Variants in SDK1 observed in about 807,000 individuals in gnomAD.
SDK1 encodes the protein sidekick cell adhesion molecule 1, also known as protein sidekick-1.
SDK1 carries 157 observed loss-of-function variants against 245.5 expected under a neutral mutation model. The observed-to-expected ratio is 0.64, with a 90% CI of 0.56 to 0.73. The LOEUF is 0.73. Among genes scored for constraint, SDK1 ranks in the 30% least tolerant of loss-of-function variants. The pLI, the probability that SDK1 is intolerant of heterozygous loss-of-function variation, is 0.00. For synonymous variants in SDK1, 1,647 were observed against 1,278.5 expected (o/e 1.29, Z -6.15); for missense variants, 3,583 against 3,002.3 (o/e 1.19, Z -4.52).
At chr7:3,946,155 C>A (rs1361609183) in intron 5 of SDK1, among the ~76,000 whole-genome samples, 1 of 149,108 alleles carries the variant, frequency 6.7e-6, no homozygotes, top group African/African-American at 2.5e-5. Context: ...AATGTATAAA[C>A]CCCCCTACAC....
intron 4 of SDK1, among the ~76,000 whole-genome samples, chr7:3,799,704 CAAAAAAAAAA>C (rs34448201): frequency 9.2e-6 from 1 of 109,094 alleles, no homozygotes; most frequent in Non-Finnish European, 1.8e-5. Flanking sequence ...GACTCCATCT[CAAAAAAAAAA>C]AAAAAAAAAT....
chr7:3,451,892 A>G (rs932532119), intron 1 of SDK1, among the ~76,000 whole-genome samples: 1 of 152,172 alleles, frequency 6.6e-6, no homozygotes, highest in African/African-American at 2.4e-5. Context: ...GGCAATTGCA[A>G]AGAGACTAGC....
chr7:3,780,329 G>A (rs939447702), intron 4 of SDK1, among the ~76,000 whole-genome samples: 2 of 152,306 alleles, frequency 1.3e-5, no homozygotes, highest in African/African-American at 4.8e-5. Flanking sequence ...GCCCACTCTG[G>A]TCTCACCTCT....
chr7:3,908,827 TC>T (rs200469432), intron 5 of SDK1, among the ~76,000 whole-genome samples: 6,591 of 151,278 alleles, frequency 0.044, 465 homozygotes, highest in African/African-American at 0.15. Flanking sequence ...AGGAAAGAAT[TC>T]ATTTTTTTTT....
intron 1 of SDK1, among the ~76,000 whole-genome samples, chr7:3,324,952 A>G (rs1435135726): frequency 6.6e-6 from 1 of 152,138 alleles, no homozygotes; most frequent in Non-Finnish European, 1.5e-5. Context: ...TTAACAGAGG[A>G]CAAGCTTTAG....
chr7:3,429,251 T>A (rs528366026), intron 1 of SDK1, among the ~76,000 whole-genome samples: 6,542 of 152,260 alleles, frequency 0.043, 422 homozygotes, highest in African/African-American at 0.14. Context: ...AGGCTTTTTT[T>A]AAGTGCCTCT....
chr7:3,358,819 T>G (rs1330132407), intron 1 of SDK1, among the ~76,000 whole-genome samples: 1 of 152,204 alleles, frequency 6.6e-6, no homozygotes, highest in African/African-American at 2.4e-5. Context: ...TTTCAAGCAT[T>G]TAATAAATGT....
chr7:3,608,810 T>G (rs527468279), intron 1 of SDK1, among the ~76,000 whole-genome samples: 17 of 152,374 alleles, frequency 1.1e-4, no homozygotes, highest in African/African-American at 4.1e-4. Context: ...CTAACCTTTA[T>G]GAAACTGACA....
intron 1 of SDK1, among the ~76,000 whole-genome samples, chr7:3,365,229 T>A (rs1264158838): frequency 6.6e-6 from 1 of 152,174 alleles, no homozygotes. Flanking sequence ...TAGAGAATGG[T>A]GGTAGTGGAC....
rs138059278 is a variant in SDK1, at chr7:4,075,380, T to C, written c.3011-1618T>C. On this transcript the variant is annotated intron_variant, in intron 20 of 44. Coordinates refer to ENST00000404826, the MANE Select transcript of SDK1 (RefSeq NM_152744.4). ...CTCAAGATGCTGTCCTCTAAATTCT[T>C]GTTTACCTGCAAGTGCAACTCCTAG... Among the ~76,000 whole-genome samples the C allele has an allele frequency of 1.2e-3, 190 of 152,352 alleles. 3 individuals carry two copies. The East Asian group carries it at 0.031, about 25-fold the overall frequency.
In SDK1 at chr7:3,766,433, A is replaced by T. The variant is rs941267704; in HGVS notation, c.714-55017A>T. Among the ~76,000 whole-genome samples the T allele has an allele frequency of 2.0e-5, 3 of 152,306 alleles. No individual in the cohort carries two copies. The South Asian group carries it at 6.2e-4, about 32-fold the overall frequency. On this transcript the variant is annotated intron_variant, in intron 4 of 44. Coordinates refer to ENST00000404826, the MANE Select transcript of SDK1 (RefSeq NM_152744.4). Reference sequence around the variant, plus strand: ...GTTAGACTACCTTGATTTTTAATCCAGCTCCCCTACACCAGTCACTTCCTT... The same window carrying T: ...GTTAGACTACCTTGATTTTTAATCCTGCTCCCCTACACCAGTCACTTCCTT...
At chr7:3,556,364 C>T (rs1779587645) in intron 1 of SDK1, among the ~76,000 whole-genome samples, 1 of 152,002 alleles carries the variant, frequency 6.6e-6, no homozygotes, top group African/African-American at 2.4e-5. Flanking sequence ...AACAATTGAA[C>T]TCATGGAGAT....
chr7:3,964,667 A>T (rs1324666829), intron 9 of SDK1, among the ~76,000 whole-genome samples: 4 of 152,184 alleles, frequency 2.6e-5, no homozygotes, highest in Non-Finnish European at 4.4e-5. Flanking sequence ...AATGAAGTAG[A>T]ATCTAGTGAT....
At chr7:4,223,924 A>G (rs1395308230) in intron 40 of SDK1, among the ~76,000 whole-genome samples, 2 of 151,888 alleles carry the variant, frequency 1.3e-5, no homozygotes, top group Non-Finnish European at 2.9e-5. Flanking sequence ...TCATTTGTAG[A>G]CTCTCTGCTG....
intron 2 of SDK1, among the ~76,000 whole-genome samples, chr7:3,624,642 T>C (rs965042627): frequency 2.6e-5 from 4 of 152,180 alleles, no homozygotes; most frequent in African/African-American, 9.7e-5. Flanking sequence ...AACTTTTTTT[T>C]CTAAAACCCA....
At chr7:3,782,028 A>G (rs1393870634) in intron 4 of SDK1, among the ~76,000 whole-genome samples, 2 of 152,238 alleles carry the variant, frequency 1.3e-5, no homozygotes, top group Non-Finnish European at 2.9e-5. Context: ...CTTTTCTAAT[A>G]TAGGAACAGA....
intron 22 of SDK1, among the ~76,000 whole-genome samples, chr7:4,093,679 C>T (rs1371323523): frequency 6.6e-6 from 1 of 152,158 alleles, no homozygotes; most frequent in Non-Finnish European, 1.5e-5. Flanking sequence ...CCGGCGGCGT[C>T]GACAGCGACA....
chr7:3,516,997 C>G (rs922216134), intron 1 of SDK1, among the ~76,000 whole-genome samples: 1 of 152,038 alleles, frequency 6.6e-6, no homozygotes, highest in South Asian at 2.1e-4. Context: ...GTGTGTGTGC[C>G]TTTTATTGTG....
At chr7:3,308,894 G>A (rs1413939908) in intron 1 of SDK1, among the ~76,000 whole-genome samples, 1 of 152,090 alleles carries the variant, frequency 6.6e-6, no homozygotes, top group Non-Finnish European at 1.5e-5. Flanking sequence ...GAAAAAAATA[G>A]AGGGAGATAA....
Sources: gnomAD v4.1 joint callset for allele counts (sites outside exome capture counted in the v4.1 genomes callset) on GRCh38, gnomAD v4.1.1 for gene constraint, MANE v1.5 for transcripts, NCBI Gene and HGNC (gene_info 2026-07-23, HGNC 2026-07-21) for gene names.